LFNG: variants seen among roughly 807,000 people sequenced by gnomAD.
The protein encoded by LFNG is LFNG O-fucosylpeptide 3-beta-N-acetylglucosaminyltransferase, also known as beta-1,3-N-acetylglucosaminyltransferase lunatic fringe.
LFNG carries 15 observed loss-of-function variants against 32.7 expected under a neutral mutation model. That is an observed-to-expected ratio of 0.46 (90% confidence interval 0.31 to 0.71). The LOEUF (loss-of-function observed/expected upper bound fraction) is 0.71. Ranked by LOEUF, LFNG falls within the 30% of genes least tolerant of loss-of-function variation. The probability of loss-of-function intolerance (pLI) is 0.06; values close to 1 mark genes in which losing one functional copy is unlikely to be tolerated. For missense variants in LFNG, 520 were observed against 545.7 expected (o/e 0.95, Z 0.47); for synonymous variants, 274 against 246.8 (o/e 1.11, Z -1.03).
chr7:2,521,027 G>A (rs1185673566), intron 1 of LFNG, among the ~76,000 whole-genome samples: 1 of 152,234 alleles, frequency 6.6e-6, no homozygotes, highest in East Asian at 1.9e-4. Context: ...GGGGCTTGCA[G>A]TCGGGGACTG....
At chr7:2,513,144 T>C, upstream of LFNG, 1 of 1,612,812 alleles carries the variant, frequency 6.2e-7, no homozygotes, top group Non-Finnish European at 8.5e-7. Flanking sequence ...CCTCACCTAC[T>C]ACCTTCCCCC....
upstream of LFNG, chr7:2,513,379 G>A (rs941882368): frequency 1.3e-6 from 2 of 1,533,108 alleles, no homozygotes; most frequent in South Asian, 1.3e-5. Context: ...TGCTTCCAGA[G>A]CAGCCTGGAA....
At chr7:2,528,431 C>T (rs1780064504), downstream of LFNG, 4 of 991,166 alleles carry the variant, frequency 4.0e-6, no homozygotes, top group Non-Finnish European at 4.8e-6. Flanking sequence ...TTGCAGCAAT[C>T]CTGGGGGTCC....
Position 2,526,970 on chromosome 7 carries a change from G to A in LFNG, c.1073+49G>A, listed in dbSNP as rs372515959. 93 of 1,556,140 alleles carry A rather than the reference G, an allele frequency of 6.0e-5. 1 individual carries two copies. In the Admixed American group the frequency reaches 9.8e-4, roughly 16 times the overall value. On this transcript the variant is annotated intron_variant, in intron 7 of 7. Coordinates refer to ENST00000222725, the MANE Select transcript of LFNG (RefSeq NM_001040167.2). The surrounding 1 kb of genome is among the most constrained non-coding windows in gnomAD (Gnocchi z 6.9). ...GGCTTGCGTAGGGTGGCCTAGGGGC[G>A]TCAGGGGGCCTCGTGGAGCTGCAGC...
rs867653126 is a variant in LFNG at position 2,524,852 on chromosome 7, C to G, written c.481+109C>G. On this transcript the variant is annotated intron_variant, in intron 2 of 7. Transcript: ENST00000222725. ...GGCCGAGAGGTCACCAAGGGCAGGA[C>G]AGGGAGGGCAGTTTACTCATGGGGT... 48 of 1,019,746 alleles carry G rather than the reference C, an allele frequency of 4.7e-5. 1 individual carries two copies. The Middle Eastern group carries it at 7.9e-4, about 17-fold the overall frequency. 63.2% of individuals were successfully genotyped at this position (1,019,746 alleles called of 1,614,324 possible).
At chr7:2,518,171 C>A (rs996174552), upstream of LFNG, among the ~76,000 whole-genome samples, 2 of 152,184 alleles carry the variant, frequency 1.3e-5, no homozygotes, top group African/African-American at 2.4e-5. Flanking sequence ...GTCACTGGGT[C>A]CTTTTCTCCC....
upstream of LFNG, among the ~76,000 whole-genome samples, chr7:2,517,346 A>G (rs1475563111): frequency 2.0e-5 from 3 of 152,202 alleles, no homozygotes; most frequent in Admixed American, 6.5e-5. Context: ...CCAGACAGGC[A>G]GCAGCATCAG....
chr7:2,513,304 C>G, upstream of LFNG: 1 of 1,607,742 alleles, frequency 6.2e-7, no homozygotes, highest in Non-Finnish European at 8.5e-7. Context: ...CTCTCAGGTC[C>G]TACGGAGGTG....
intron 1 of LFNG, among the ~76,000 whole-genome samples, chr7:2,521,093 C>T (rs1359238013): frequency 6.6e-6 from 1 of 152,076 alleles, no homozygotes; most frequent in East Asian, 1.9e-4. Flanking sequence ...GGTGGGGGCT[C>T]AGGGAAGACC....
At chr7:2,523,152 CCTTTT>C (rs1779841183) in intron 1 of LFNG, among the ~76,000 whole-genome samples, 1 of 152,244 alleles carries the variant, frequency 6.6e-6, no homozygotes, top group Admixed American at 6.5e-5. Context: ...AAAGCATTTT[CCTTTT>C]AACCCAGCGG....
rs115074546 is a variant in LFNG, at chr7:2,526,642, C to T, written c.988-194C>T. Among the ~76,000 whole-genome samples the T allele has an allele frequency of 5.4e-3, 822 of 152,304 alleles. 8 individuals carry two copies. Among genetic ancestry groups the T allele is most frequent in the African/African-American group, 0.019 (775 of 41,556 alleles). ...GCGCCTACTGTGCGTATTTTGTCCA[C>T]GCTGGCAATGCAGCCAGCCCCAGCT... On this transcript the variant is annotated intron_variant, in intron 6 of 7. Transcript: ENST00000222725. This position sits in a 1 kb window ranked among gnomAD's most constrained non-coding sequence, Gnocchi z 6.9.
At position 2,527,054 on chromosome 7, in the gene LFNG, C is replaced by T. The variant is rs767917517; in HGVS notation, c.1074-92C>T. ...GGTGTCCCCCGGAGTCCTGCTTGCT[C>T]GGGGTGGGGCCGCCAGTGTTGTGGG... On this transcript the variant is annotated intron_variant, in intron 7 of 7. Coordinates refer to ENST00000222725, the MANE Select transcript of LFNG (RefSeq NM_001040167.2). The surrounding 1 kb of genome is among the most constrained non-coding windows in gnomAD (Gnocchi z 4.4). The T allele has an allele frequency of 1.5e-5, 22 of 1,454,956 alleles. No individual in the cohort carries two copies. Among genetic ancestry groups the T allele is most frequent in the East Asian group, 1.4e-4 (6 of 42,712 alleles). The allele number at this position is 1,454,956 out of a possible 1,614,324, so 90.1% of individuals were successfully genotyped here.
chr7:2,513,322 T>C, upstream of LFNG: 1 of 1,597,732 alleles, frequency 6.3e-7, no homozygotes. Flanking sequence ...GTGGCCTCTC[T>C]CAGCAGGTGT....
At position 2,525,507 on chromosome 7, in the gene LFNG, C is replaced by T. The variant is rs369216499; in HGVS notation, c.675C>T (p.Val225=). The change falls in exon 4 of 8, where the codon GTC becomes GTT. Residue 225 remains valine (V), a synonymous_variant. Transcript: ENST00000222725. The part of the protein sequence containing the change: ...ASYPHTRDVY[V]GKPSLDRPIQ... ...ACCCGCACACGCGGGACGTCTACGT[C>T]GGCAAGCCCAGCCTGGACAGGCCCA... 60 of 1,612,312 alleles carry T rather than the reference C, an allele frequency of 3.7e-5. No homozygotes were observed. The highest frequency in any genetic ancestry group is 2.4e-4 in the African/African-American group (18 of 75,062).
rs558703269 is a variant in LFNG at position 2,521,038 on chromosome 7, G to A, written c.432+745G>A. ...GTGTGGGGCTTGCAGTCGGGGACTG[G>A]GGGGGTGTCTCTGGGCTGGGAGATG... On this transcript the variant is annotated intron_variant, in intron 1 of 7. Transcript: ENST00000222725. Among the ~76,000 whole-genome samples, 10 of 152,322 alleles carry A rather than the reference G, an allele frequency of 6.6e-5. No homozygotes were observed. The East Asian group carries it at 1.9e-3, about 29-fold the overall frequency.
At chr7:2,515,505 C>T (rs1404846807), upstream of LFNG, among the ~76,000 whole-genome samples, 1 of 152,202 alleles carries the variant, frequency 6.6e-6, no homozygotes, top group Non-Finnish European at 1.5e-5. Context: ...TGCCTCAGGC[C>T]AGGATGCCCC....
chr7:2,519,796 A>G lies in LFNG; in HGVS notation c.-66A>G. The G allele has an allele frequency of 1.1e-6, 1 of 941,376 alleles. No homozygotes were observed. The highest frequency in any genetic ancestry group is 1.3e-6 in the Non-Finnish European group (1 of 781,858). The allele number at this position is 941,376 out of a possible 1,614,324, so 58.3% of individuals were successfully genotyped here. A position where few individuals can be genotyped will look rare whatever the true frequency, so the allele number is the denominator to read the frequency against. On this transcript the variant is annotated 5_prime_UTR_variant, in exon 1 of 8. Transcript: ENST00000222725. ...GCTGCTGGACTGCGCCGCCGGAGCG[A>G]CGGGCTTCGGGTCGGTGCAAGGCAG...
At chr7:2,518,359 G>A (rs919316347), upstream of LFNG, among the ~76,000 whole-genome samples, 14 of 152,190 alleles carry the variant, frequency 9.2e-5, no homozygotes, top group African/African-American at 3.4e-4. Context: ...CTGGGGCCAG[G>A]AAGAGGCCTG....
chr7:2,512,705 G>A, intron 1 of LFNG: 1 of 1,613,544 alleles, frequency 6.2e-7, no homozygotes, highest in African/African-American at 1.3e-5. Context: ...GTATGAGGTG[G>A]GCCTCAGGGT....
Sources: gnomAD v4.1 joint callset for allele counts (sites outside exome capture counted in the v4.1 genomes callset) on GRCh38, gnomAD v4.1.1 for gene constraint, Gnocchi (gnomAD v3.1) non-coding constraint, MANE v1.5 for transcripts, NCBI Gene and HGNC (gene_info 2026-07-23, HGNC 2026-07-21) for gene names.